Variants in LRRC4C observed in about 807,000 individuals in gnomAD.
The protein encoded by LRRC4C is leucine rich repeat containing 4C.
A neutral mutation model predicts 33.6 loss-of-function variants in LRRC4C; 5 were observed. That is an observed-to-expected ratio of 0.15 (90% CI 0.08 to 0.31). The LOEUF is 0.31. Ranked by LOEUF, LRRC4C falls within the 10% of genes least tolerant of loss-of-function variation. LRRC4C has a pLI of 1.00. For synonymous variants in LRRC4C, 329 were observed against 302.0 expected, an observed-to-expected ratio of 1.09 and a Z score of -0.93; for missense variants, 560 against 796.7, an observed-to-expected ratio of 0.70 and a Z score of 3.58.
intron 1 of LRRC4C, among the ~76,000 whole-genome samples, chr11:41,201,507 CAG>C (rs1946397544): frequency 6.6e-6 from 1 of 152,124 alleles, no homozygotes; most frequent in East Asian, 1.9e-4. Flanking sequence ...ACTACTAGAA[CAG>C]AGTCTTTAAA....
intron 1 of LRRC4C, among the ~76,000 whole-genome samples, chr11:41,420,693 A>G (rs1248596111): frequency 7.2e-5 from 11 of 152,008 alleles, no homozygotes. Context: ...CTTGGCTTTC[A>G]ATCATGGCCC....
chr11:40,598,353 G>A (rs1016607478), intron 3 of LRRC4C, among the ~76,000 whole-genome samples: 11 of 152,152 alleles, frequency 7.2e-5, no homozygotes, highest in African/African-American at 2.7e-4. Context: ...AAGGTTTTAA[G>A]ACAAGTATTT....
At chr11:40,651,324 A>G (rs1295862125) in intron 2 of LRRC4C, among the ~76,000 whole-genome samples, 2 of 152,092 alleles carry the variant, frequency 1.3e-5, no homozygotes, top group Non-Finnish European at 1.5e-5. Flanking sequence ...GTAAGAAAAC[A>G]TAGTAGAACT....
At chr11:41,386,241 T>C (rs1953355801) in intron 1 of LRRC4C, among the ~76,000 whole-genome samples, 1 of 151,654 alleles carries the variant, frequency 6.6e-6, no homozygotes, top group African/African-American at 2.4e-5. Flanking sequence ...ACCAGCATTC[T>C]CAATGTTGTA....
intron 3 of LRRC4C, among the ~76,000 whole-genome samples, chr11:40,547,739 A>G (rs1483347612): frequency 1.3e-5 from 2 of 152,112 alleles, no homozygotes; most frequent in African/African-American, 4.8e-5. Flanking sequence ...TGCAATCTTT[A>G]CAGGTATGTT....
chr11:40,503,477 G>A (rs182665847), intron 3 of LRRC4C, among the ~76,000 whole-genome samples: 3 of 152,148 alleles, frequency 2.0e-5, no homozygotes, highest in Non-Finnish European at 4.4e-5. Flanking sequence ...ATGCTAAGCT[G>A]GTTACTGTGA....
intron 5 of LRRC4C, among the ~76,000 whole-genome samples, chr11:40,179,652 C>T (rs372728036): frequency 1.9e-4 from 29 of 152,220 alleles, no homozygotes; most frequent in African/African-American, 5.3e-4. Context: ...TCAGGACCCC[C>T]GCATCCAGCA....
intron 2 of LRRC4C, among the ~76,000 whole-genome samples, chr11:40,718,212 G>A (rs963541447): frequency 1.3e-5 from 2 of 152,166 alleles, no homozygotes; most frequent in African/African-American, 4.8e-5. Context: ...TGTTCACCAG[G>A]GAGGATCATC....
chr11:40,277,018 T>C (rs1943158218), intron 4 of LRRC4C, among the ~76,000 whole-genome samples: 1 of 151,962 alleles, frequency 6.6e-6, no homozygotes, highest in African/African-American at 2.4e-5. Context: ...TAGGAAAAGG[T>C]AAAGAGTGTT....
At chr11:40,896,488 A>C (rs1001193731) in intron 2 of LRRC4C, among the ~76,000 whole-genome samples, 1 of 152,134 alleles carries the variant, frequency 6.6e-6, no homozygotes, top group Non-Finnish European at 1.5e-5. Flanking sequence ...CAAATCTTAA[A>C]TAACTTGAGA....
chr11:41,308,893 C>A (rs541771632), intron 1 of LRRC4C, among the ~76,000 whole-genome samples: 2 of 152,082 alleles, frequency 1.3e-5, no homozygotes, highest in African/African-American at 4.8e-5. Flanking sequence ...CAACCCCCAC[C>A]TCCCGGTATC....
intron 3 of LRRC4C, among the ~76,000 whole-genome samples, chr11:40,450,347 T>C (rs1445958192): frequency 6.6e-6 from 1 of 152,170 alleles, no homozygotes; most frequent in African/African-American, 2.4e-5. Context: ...AATATATCAC[T>C]TTTCCTTCTA....
intron 3 of LRRC4C, among the ~76,000 whole-genome samples, chr11:40,502,457 T>C (rs1954823932): frequency 6.6e-6 from 1 of 152,122 alleles, no homozygotes; most frequent in South Asian, 2.1e-4. Flanking sequence ...TTGGGAAGCC[T>C]CACAATCATG....
chr11:40,786,856 A>AC (rs904851607), intron 2 of LRRC4C, among the ~76,000 whole-genome samples: 5 of 148,722 alleles, frequency 3.4e-5, no homozygotes, highest in Admixed American at 2.7e-4. Context: ...CATCTCCCCC[A>AC]CCCCCCATCC....
chr11:41,063,672 G>A (rs374320326), intron 1 of LRRC4C, among the ~76,000 whole-genome samples: 8 of 152,154 alleles, frequency 5.3e-5, no homozygotes, highest in South Asian at 2.1e-4. Context: ...AGGCTGTAGC[G>A]AAGTAAATTA....
intron 1 of LRRC4C, among the ~76,000 whole-genome samples, chr11:41,170,006 G>GTATAATTGTTGAAACAAT (rs1944901192): frequency 6.6e-6 from 1 of 152,034 alleles, no homozygotes; most frequent in African/African-American, 2.4e-5. Context: ...CCTTAAAGGG[G>GTATAATTGTTGAAACAAT]TATAATTGTT....
At chr11:40,135,546 G>T (rs1856911536) in intron 6 of LRRC4C, among the ~76,000 whole-genome samples, 2 of 152,138 alleles carry the variant, frequency 1.3e-5, no homozygotes, top group Non-Finnish European at 2.9e-5. Context: ...ATAAGGAGCT[G>T]GGTCCTTATG....
intron 1 of LRRC4C, among the ~76,000 whole-genome samples, chr11:41,398,298 T>C (rs1056699534): frequency 6.6e-6 from 1 of 152,010 alleles, no homozygotes; most frequent in African/African-American, 2.4e-5. Context: ...CCCATTGCTC[T>C]ACCTTGCAGG....
intron 2 of LRRC4C, among the ~76,000 whole-genome samples, chr11:40,762,740 T>C (rs1312396017): frequency 6.6e-6 from 1 of 152,170 alleles, no homozygotes; most frequent in Admixed American, 6.6e-5. Context: ...TCCCTATCTG[T>C]ATCCTAAAAT....
Sources: allele counts gnomAD v4.1 joint callset (sites outside exome capture counted in the v4.1 genomes callset), GRCh38; gene constraint gnomAD v4.1.1; transcripts MANE v1.5; gene names NCBI Gene and HGNC (gene_info 2026-07-23, HGNC 2026-07-21).